DHX32: variants seen among roughly 807,000 people sequenced by gnomAD.
DHX32 encodes the protein putative pre-mRNA-splicing factor ATP-dependent RNA helicase DHX32.
DHX32 carries 51 observed loss-of-function variants against 70.0 expected under a neutral mutation model. The observed-to-expected ratio is 0.73, with a 90% CI of 0.58 to 0.92. The LOEUF is 0.92. Among genes scored for constraint, DHX32 ranks in the 40% least tolerant of loss-of-function variants. DHX32 has a pLI of 0.00. For synonymous variants in DHX32, 310 were observed against 315.3 expected (o/e 0.98, Z 0.18); for missense variants, 762 against 891.8 (o/e 0.85, Z 1.85).
chr10:125,880,846 G>A lies in DHX32; in HGVS notation c.-22C>T, dbSNP rs374035380. 23 of 1,594,390 alleles carry A rather than the reference G, an allele frequency of 1.4e-5. No homozygotes were observed. In the African/African-American group the frequency reaches 1.8e-4, roughly 12 times the overall value. On this transcript the variant is annotated 5_prime_UTR_variant, in exon 1 of 11. Transcript: ENST00000284690. ...CCATCTTGTCTGACAGTGAGCTCAC[G>A]CAGCTGACATTCCACAAGCAAGTTT...
At chr10:125,861,605 G>A (rs552001223) in intron 2 of DHX32, among the ~76,000 whole-genome samples, 1 of 152,302 alleles carries the variant, frequency 6.6e-6, no homozygotes, top group Non-Finnish European at 1.5e-5. Flanking sequence ...TAGGCAGAGG[G>A]TGCCTCTACG....
At chr10:125,875,830 T>C (rs1344573740) in intron 1 of DHX32, among the ~76,000 whole-genome samples, 3 of 152,146 alleles carry the variant, frequency 2.0e-5, no homozygotes, top group Non-Finnish European at 4.4e-5. Flanking sequence ...CTTTTGTAGA[T>C]AGTTTATAGT....
At chr10:125,853,109 A>G (rs749784351) in intron 4 of DHX32, 10 of 1,571,978 alleles carry the variant, frequency 6.4e-6, no homozygotes, top group Admixed American at 3.5e-5. Context: ...GGCACTAACA[A>G]TGATTTTCCT....
intron 2 of DHX32, among the ~76,000 whole-genome samples, chr10:125,863,777 T>C (rs1266428363): frequency 6.6e-6 from 1 of 152,164 alleles, no homozygotes; most frequent in African/African-American, 2.4e-5. Flanking sequence ...AATCCTCTGA[T>C]TTAAATAGCT....
intron 2 of DHX32, among the ~76,000 whole-genome samples, chr10:125,860,752 ATTTTTT>A (rs397747204): frequency 8.9e-6 from 1 of 111,822 alleles, no homozygotes; most frequent in Non-Finnish European, 1.7e-5. Context: ...AACCAATCCC[ATTTTTT>A]TTTTTTTTTT....
rs181933545 is a variant in DHX32 at position 125,860,334 on chromosome 10, C to A, written c.477-359G>T. ...AAGTAGTATCATAAAACACCCTGGT[C>A]AATTTTTCCTCTCGAATTCATCAAT... On this transcript the variant is annotated intron_variant, in intron 2 of 10. Transcript: ENST00000284690. 3.3e-5 allele frequency among the ~76,000 whole-genome samples: 5 copies of A among 152,282 alleles called. No individual in the cohort carries two copies. The East Asian group carries it at 9.6e-4, about 29-fold the overall frequency.
intron 1 of DHX32, among the ~76,000 whole-genome samples, chr10:125,877,031 G>C (rs886459559): frequency 6.6e-6 from 1 of 152,160 alleles, no homozygotes; most frequent in East Asian, 1.9e-4. Flanking sequence ...ATAAAAATGT[G>C]TATGAATGTA....
chr10:125,876,541 A>G (rs1487303866), intron 1 of DHX32, among the ~76,000 whole-genome samples: 5 of 152,230 alleles, frequency 3.3e-5, no homozygotes, highest in Non-Finnish European at 7.3e-5. Flanking sequence ...CAGCATGGGC[A>G]AAACTGACAT....
At chr10:125,841,069 G>T in intron 7 of DHX32, 73 bp from the exon 8 acceptor site, 1 of 1,522,104 alleles carries the variant, frequency 6.6e-7, no homozygotes. Context: ...GCAGAGGGGA[G>T]GGGTCACGAC....
rs71029270 is a variant in DHX32, at chr10:125,859,045, GTT to G, written c.849+556_849+557del. 4.4e-4 allele frequency among the ~76,000 whole-genome samples: 63 copies of G among 141,734 alleles called. 2 individuals carry two copies. Among genetic ancestry groups the G allele is most frequent in the South Asian group, 1.8e-3 (8 of 4,536 alleles). The allele number at this position is 141,734 out of a possible 152,430, so 93.0% of individuals were successfully genotyped here. A position where few individuals can be genotyped will look rare whatever the true frequency, so the allele number is the denominator to read the frequency against. The stretch of plus-strand genomic sequence containing the variant: ...GGTTTTTTTTTTTGTTTGTTTGTTT[GTT>G]TTTTTTTTTTTTTTTTAATCTTTTA... On this transcript the variant is annotated intron_variant, in intron 3 of 10. Transcript: ENST00000284690.
chr10:125,844,498 A>G (rs1331886540), intron 6 of DHX32, among the ~76,000 whole-genome samples: 2 of 152,242 alleles, frequency 1.3e-5, no homozygotes, highest in Non-Finnish European at 2.9e-5. Context: ...TACAACAGAA[A>G]AGGAGAGGAT....
chr10:125,837,739 A>G (rs1286517163), intron 10 of DHX32, among the ~76,000 whole-genome samples: 1 of 152,070 alleles, frequency 6.6e-6, no homozygotes, highest in Non-Finnish European at 1.5e-5. Flanking sequence ...AGAAGATGCT[A>G]CTCTTGCTTA....
In DHX32 at chr10:125,836,800, T is replaced by C; in HGVS notation, c.2119A>G (p.Lys707Glu). Reference sequence around the variant, plus strand: ...TCCACTACTTGCTGTAGAATGTCCTTACTTTCACTAGGAGGCAGATTACTG... The same window carrying C: ...TCCACTACTTGCTGTAGAATGTCCTCACTTTCACTAGGAGGCAGATTACTG... ...YFSNLPPSES[K>E]DILQQVVDHL... is the part of the protein sequence containing the mutation. The change falls in exon 11 of 11, where the codon AAG becomes GAG. Residue 707 changes from lysine (K) to glutamate (E), a missense_variant. Lys to Glu is a moderately conservative substitution (Grantham distance 56). This residue lies in a region of DHX32 where 366 missense variants were observed against 402.6 expected (regional missense o/e 0.91). Coordinates refer to ENST00000284690, the MANE Select transcript of DHX32 (RefSeq NM_018180.3). 1 of 1,614,170 alleles carries C rather than the reference T, an allele frequency of 6.2e-7. No homozygotes were observed. Among genetic ancestry groups the C allele is most frequent in the Non-Finnish European group, 8.5e-7 (1 of 1,180,008 alleles).
chr10:125,867,102 T>G lies in DHX32; in HGVS notation c.364A>C (p.Thr122Pro), dbSNP rs1297229403. ...GVICTQVHKQ[T>P]VVQLALRVAD... ...ACCCGCAGGGCGAGCTGGACCACAG[T>G]CTGCTTGTGGACCTGTGTGCATATC... Residue 122 changes from threonine to proline, a missense_variant, in exon 2 of 11, where the codon ACT becomes CCT. By Grantham distance (38) the Thr-to-Pro change is conservative. Around this residue, in one of 3 missense-constraint regions of DHX32, gnomAD observed 394 missense variants for 473.1 expected, o/e 0.83. Coordinates refer to ENST00000284690, the MANE Select transcript of DHX32 (RefSeq NM_018180.3). The G allele has an allele frequency of 6.2e-7, 1 of 1,614,080 alleles. No homozygotes were observed.
intron 1 of DHX32, among the ~76,000 whole-genome samples, chr10:125,892,779 T>C (rs1190165692): frequency 6.6e-6 from 1 of 152,304 alleles, no homozygotes; most frequent in African/African-American, 2.4e-5. Context: ...ATTCATAATC[T>C]ATAATCACAT....
chr10:125,880,882 T>C lies in DHX32; in HGVS notation c.-58A>G. On this transcript the variant is annotated 5_prime_UTR_variant, in exon 1 of 11. Transcript: ENST00000284690. Reference sequence around the variant, plus strand: ...TCCACAAGCAAGTTTCTCCTATCAGTAACCCATTGCAAACAGGGCTTAAAA... The same window carrying C: ...TCCACAAGCAAGTTTCTCCTATCAGCAACCCATTGCAAACAGGGCTTAAAA... The C allele has an allele frequency of 5.1e-6, 8 of 1,560,122 alleles. No individual in the cohort carries two copies. Among genetic ancestry groups the C allele is most frequent in the Non-Finnish European group, 6.9e-6 (8 of 1,155,908 alleles).
intron 3 of DHX32, among the ~76,000 whole-genome samples, chr10:125,855,449 T>G (rs1294828554): frequency 1.9e-5 from 2 of 105,950 alleles, no homozygotes; most frequent in African/African-American, 4.6e-5. Context: ...AGATAAACTG[T>G]TTTTTTTTTT....
intron 3 of DHX32, among the ~76,000 whole-genome samples, chr10:125,856,983 CAATT>C (rs1169771208): frequency 2.0e-5 from 3 of 152,258 alleles, no homozygotes; most frequent in East Asian, 1.9e-4. Context: ...TTTTAAATGA[CAATT>C]AATACATTTG....
intron 2 of DHX32, among the ~76,000 whole-genome samples, chr10:125,860,439 G>C (rs1437153964): frequency 3.3e-5 from 5 of 152,178 alleles, no homozygotes; most frequent in Non-Finnish European, 7.3e-5. Flanking sequence ...TCATGGTCCT[G>C]CTAGCCCACT....
Sources: gnomAD v4.1 joint callset for allele counts (sites outside exome capture counted in the v4.1 genomes callset) on GRCh38, gnomAD v4.1.1 for gene constraint, gnomAD v4.1.1 regional missense constraint, MANE v1.5 for transcripts, NCBI Gene and HGNC (gene_info 2026-07-23, HGNC 2026-07-21) for gene names.